Variants in ZNF536 observed in about 807,000 individuals in gnomAD.
The protein encoded by ZNF536 is zinc finger protein 536.
Under a neutral mutation model 84.5 loss-of-function variants are expected in ZNF536, and 13 were observed. That is an observed-to-expected ratio of 0.15 (90% confidence interval 0.10 to 0.24). The LOEUF (loss-of-function observed/expected upper bound fraction) is 0.24. ZNF536 is among the 10% of genes least tolerant of loss of function. The pLI, the probability that ZNF536 is intolerant of heterozygous loss-of-function variation, is 1.00. For synonymous variants in ZNF536, 811 were observed against 742.5 expected, an observed-to-expected ratio of 1.09 and a Z score of -1.50; for missense variants, 1,536 against 1,747.5, an observed-to-expected ratio of 0.88 and a Z score of 2.16.
intron 3 of ZNF536, among the ~76,000 whole-genome samples, chr19:30,357,397 A>G (rs1409453702): frequency 2.0e-5 from 3 of 152,026 alleles, no homozygotes; most frequent in Non-Finnish European, 4.4e-5. Flanking sequence ...ATCCCTGGGG[A>G]GAGGATGGGT....
At chr19:30,447,906 GTTCAGC>G (rs1568442107) in intron 2 of ZNF536, among the ~76,000 whole-genome samples, 1 of 152,146 alleles carries the variant, frequency 6.6e-6, no homozygotes, top group Non-Finnish European at 1.5e-5. Context: ...GACACCAAAT[GTTCAGC>G]TTCATTAATG....
chr19:30,404,735 G>T (rs181178897), intron 1 of ZNF536, among the ~76,000 whole-genome samples: 2 of 151,848 alleles, frequency 1.3e-5, no homozygotes, highest in African/African-American at 4.8e-5. Context: ...GTCCGGAGGC[G>T]GGGGGGCTCC....
At chr19:30,635,756 C>T (rs982535773) in intron 1 of ZNF536, among the ~76,000 whole-genome samples, 3 of 152,236 alleles carry the variant, frequency 2.0e-5, no homozygotes, top group Non-Finnish European at 4.4e-5. Context: ...CGGACTGCCT[C>T]CCATTACCAT....
chr19:30,398,303 C>G (rs2049903742), intron 1 of ZNF536, among the ~76,000 whole-genome samples: 1 of 152,160 alleles, frequency 6.6e-6, no homozygotes, highest in African/African-American at 2.4e-5. Context: ...TGGTGCCTAC[C>G]CATCTGTTTA....
At chr19:30,632,709 C>T (rs1415861063) in intron 1 of ZNF536, among the ~76,000 whole-genome samples, 2 of 151,998 alleles carry the variant, frequency 1.3e-5, no homozygotes. Context: ...CTGACTAGGC[C>T]CCAATCTCTG....
chr19:30,562,260 G>C (rs62103393), downstream of ZNF536, among the ~76,000 whole-genome samples: 16,808 of 152,062 alleles, frequency 0.11, 1,165 homozygotes, highest in Non-Finnish European at 0.15. Context: ...CAGTCCTGGA[G>C]TCCCCATACC....
intron 1 of ZNF536, among the ~76,000 whole-genome samples, chr19:30,636,203 T>C (rs897653009): frequency 1.3e-5 from 2 of 152,178 alleles, no homozygotes; most frequent in Admixed American, 6.5e-5. Flanking sequence ...TTATCTAGGC[T>C]GGACTCACCA....
chr19:30,535,644 G>T (rs1357893332), intron 3 of ZNF536, among the ~76,000 whole-genome samples: 1 of 152,008 alleles, frequency 6.6e-6, no homozygotes, highest in South Asian at 2.1e-4. Flanking sequence ...ACGAGGACTG[G>T]CTGGCAACAG....
chr19:30,543,419 C>T (rs185190280), intron 3 of ZNF536, among the ~76,000 whole-genome samples: 1 of 152,336 alleles, frequency 6.6e-6, no homozygotes, highest in East Asian at 1.9e-4. Flanking sequence ...CTGGCAGGGT[C>T]TGGGGCTGCC....
At chr19:30,377,333 C>T (rs2048855829) in intron 1 of ZNF536, among the ~76,000 whole-genome samples, 1 of 152,110 alleles carries the variant, frequency 6.6e-6, no homozygotes, top group African/African-American at 2.4e-5. Flanking sequence ...CAAAGTTAGC[C>T]TTTGGGCCAG....
chr19:30,445,800 C>A lies in ZNF536; in HGVS notation c.2170+68C>A, dbSNP rs2148240153. ...CCCTGCTCAGGGCTGCCTGGTTCTG[C>A]TCCCAGGCCTCCAGTCAGTTCCAAG... On this transcript the variant is annotated intron_variant, in intron 2 of 4. Coordinates refer to ENST00000355537, the MANE Select transcript of ZNF536 (RefSeq NM_014717.3). The surrounding 1 kb of genome is among the most constrained non-coding windows in gnomAD (Gnocchi z 4.5). 6.7e-7 allele frequency: 1 copy of A among 1,500,148 alleles called. No homozygotes were observed. Among genetic ancestry groups the A allele is most frequent in the Non-Finnish European group, 8.9e-7 (1 of 1,125,352 alleles). The allele number at this position is 1,500,148 out of a possible 1,614,324, so 92.9% of individuals were successfully genotyped here. A position where few individuals can be genotyped will look rare whatever the true frequency, so the allele number is the denominator to read the frequency against.
intron 3 of ZNF536, among the ~76,000 whole-genome samples, chr19:30,358,288 G>A (rs1303295471): frequency 6.6e-6 from 1 of 152,194 alleles, no homozygotes; most frequent in African/African-American, 2.4e-5. Flanking sequence ...ATCATTAGCA[G>A]AGCCAGAACC....
intron 1 of ZNF536, among the ~76,000 whole-genome samples, chr19:30,682,908 A>G (rs543107484): frequency 6.6e-6 from 1 of 152,308 alleles, no homozygotes; most frequent in African/African-American, 2.4e-5. Context: ...AAGATGGTAT[A>G]TGTTTAATTA....
intron 1 of ZNF536, among the ~76,000 whole-genome samples, chr19:30,700,213 C>CT (rs1452244836): frequency 9.7e-5 from 10 of 102,578 alleles, no homozygotes; most frequent in Non-Finnish European, 1.4e-4. Flanking sequence ...TCTTTCTTTC[C>CT]TTCTTTCTTT....
intron 2 of ZNF536, among the ~76,000 whole-genome samples, chr19:30,306,785 T>C (rs773335801): frequency 9.9e-5 from 15 of 152,212 alleles, no homozygotes; most frequent in African/African-American, 1.4e-4. Flanking sequence ...CACATTTCTG[T>C]ATGGAACACT....
chr19:30,318,189 C>T (rs2046742653), intron 2 of ZNF536, among the ~76,000 whole-genome samples: 1 of 152,228 alleles, frequency 6.6e-6, no homozygotes, highest in Admixed American at 6.5e-5. Flanking sequence ...GGAGCCCTCT[C>T]CCAACACTGC....
chr19:30,687,481 C>T (rs1378062420), intron 1 of ZNF536, among the ~76,000 whole-genome samples: 5 of 152,148 alleles, frequency 3.3e-5, no homozygotes, highest in Non-Finnish European at 5.9e-5. Flanking sequence ...GCACTATTTA[C>T]TTAAATATGG....
intron 2 of ZNF536, among the ~76,000 whole-genome samples, chr19:30,339,786 C>T (rs1170888402): frequency 6.6e-6 from 1 of 152,196 alleles, no homozygotes; most frequent in African/African-American, 2.4e-5. Context: ...CAGCCACGTT[C>T]TGAGCAGGCA....
At chr19:30,232,231 C>T (rs1457196984) in intron 1 of ZNF536, among the ~76,000 whole-genome samples, 2 of 152,180 alleles carry the variant, frequency 1.3e-5, no homozygotes, top group African/African-American at 4.8e-5. Flanking sequence ...GCTGTGGCTG[C>T]TTCTGCTGGC....
Sources: gnomAD v4.1 joint callset for allele counts (sites outside exome capture counted in the v4.1 genomes callset) on GRCh38, gnomAD v4.1.1 for gene constraint, Gnocchi (gnomAD v3.1) non-coding constraint, MANE v1.5 for transcripts, NCBI Gene and HGNC (gene_info 2026-07-23, HGNC 2026-07-21) for gene names.